MYOT: variants seen among roughly 807,000 people sequenced by gnomAD.
MYOT encodes 57 kDa cytoskeletal protein.
A neutral mutation model predicts 58.0 loss-of-function variants in MYOT; 36 were observed. The observed-to-expected ratio is 0.62, with a 90% CI of 0.48 to 0.82. MYOT has a LOEUF of 0.82. Ranked by LOEUF, MYOT falls within the 40% of genes least tolerant of loss-of-function variation. The pLI, the probability that MYOT is intolerant of heterozygous loss-of-function variation, is 0.00. For synonymous variants in MYOT, 218 were observed against 204.6 expected (o/e 1.07, Z -0.56); for missense variants, 505 against 592.1 (o/e 0.85, Z 1.53).
intron 2 of MYOT, among the ~76,000 whole-genome samples, chr5:137,874,808 T>C (rs1160954503): frequency 6.6e-6 from 1 of 152,248 alleles, no homozygotes; most frequent in Non-Finnish European, 1.5e-5. Context: ...TTAGAAGTTA[T>C]TTGCTGTTAT....
At chr5:137,883,345 C>CT in intron 6 of MYOT, 39 bp from the exon 7 acceptor site, 2 of 1,538,858 alleles carry the variant, frequency 1.3e-6, no homozygotes, top group East Asian at 4.5e-5. Flanking sequence ...TGATGCAATA[C>CT]TTTAAAATTC....
intron 1 of MYOT, among the ~76,000 whole-genome samples, chr5:137,868,563 A>G (rs567898716): frequency 2.6e-5 from 4 of 152,320 alleles, no homozygotes; most frequent in African/African-American, 9.6e-5. Flanking sequence ...AATATCACTA[A>G]TTATTAACAA....
chr5:137,886,160 G>A lies in MYOT; in HGVS notation c.1137G>A (p.Lys379=), dbSNP rs1755595002. 1.9e-6 allele frequency: 3 copies of A among 1,612,500 alleles called. No homozygotes were observed. The highest frequency in any genetic ancestry group is 2.5e-6 in the Non-Finnish European group (3 of 1,178,886). ...AGATCTCGGCTATACCTCCACCAAA[G>A]CTTTTCTGGAAAAGAAATAATGAAA... The part of the protein sequence containing the change: ...ECQISAIPPP[K]LFWKRNNEMV... Residue 379 remains lysine, a synonymous_variant, in exon 8 of 10, where the codon AAG becomes AAA. Transcript: ENST00000239926.
Position 137,883,463 on chromosome 5 carries a change from T to TAA in MYOT, c.897_898insAA (p.Val300LysfsTer14). The TAA allele has an allele frequency of 6.2e-7, 1 of 1,614,124 alleles. No homozygotes were observed. The highest frequency in any genetic ancestry group is 8.5e-7 in the Non-Finnish European group (1 of 1,179,994). The stretch of plus-strand genomic sequence containing the variant: ...CAATCAGATGATTTGCACAAAATGA[T>TAA]AGTGTCTGAGAAGGGTCTTCATTCA... On this transcript the variant is annotated frameshift_variant, in exon 7 of 10. Transcript: ENST00000239926. LOFTEE classifies it high-confidence loss of function.
intron 5 of MYOT, 142 bp downstream of exon 5, chr5:137,881,007 T>A (rs757882238): frequency 1.6e-6 from 1 of 641,554 alleles, no homozygotes; most frequent in Non-Finnish European, 2.7e-6. Context: ...TCTGAGAAGA[T>A]GACCAAAATT....
At position 137,886,155 on chromosome 5, in the gene MYOT, C is replaced by G. The variant is rs1489391510; in HGVS notation, c.1132C>G (p.Pro378Ala). 8 of 1,612,306 alleles carry G rather than the reference C, an allele frequency of 5.0e-6. No individual in the cohort carries two copies. In the African/African-American group the frequency reaches 9.4e-5, roughly 19 times the overall value. Residue 378 changes from proline (P) to alanine (A), a missense_variant, in exon 8 of 10, where the codon CCA (proline) becomes GCA (alanine). Transcript: ENST00000239926. ...LECQISAIPP[P>A]KLFWKRNNEM... ...ATGCCAGATCTCGGCTATACCTCCA[C>G]CAAAGCTTTTCTGGAAAAGAAATAA...
chr5:137,877,485 T>C, intron 3 of MYOT, 35 bp from the exon 4 acceptor site: 1 of 1,447,226 alleles, frequency 6.9e-7, no homozygotes, highest in Non-Finnish European at 9.7e-7. Context: ...CATCTTTTAT[T>C]AAATCTAATT....
At chr5:137,876,234 A>G (rs1755216452) in intron 3 of MYOT, 1 of 516,366 alleles carries the variant, frequency 1.9e-6, no homozygotes, top group African/African-American at 1.9e-5. Flanking sequence ...GTTTAATGAA[A>G]TTTTTCTGTT....
rs556148425 is a variant in MYOT at position 137,883,586 on chromosome 5, T to C, written c.1019T>C (p.Val340Ala). ...GCCACCTTCACTGTGCAGCTGGATGTCCTTGGTAAGCCTCCAAAGAGACCC... is the reference window on the plus strand; with the variant it reads ...GCCACCTTCACTGTGCAGCTGGATGCCCTTGGTAAGCCTCCAAAGAGACCC... ...GEATFTVQLD[V>A]LAKEHKRAPM... Residue 340 changes from valine (V) to alanine (A), a missense_variant, in exon 7 of 10, where the codon GTC (valine) becomes GCC (alanine). Val to Ala is a moderately conservative substitution (Grantham distance 64, BLOSUM62 0). Transcript: ENST00000239926. The C allele has an allele frequency of 1.9e-6, 3 of 1,614,000 alleles. No homozygotes were observed. The African/African-American group carries it at 4.0e-5, about 22-fold the overall frequency.
intron 1 of MYOT, among the ~76,000 whole-genome samples, chr5:137,868,209 C>T (rs1323222338): frequency 6.6e-6 from 1 of 152,270 alleles, no homozygotes; most frequent in Non-Finnish European, 1.5e-5. Flanking sequence ...AAAAGGGACA[C>T]TTGATCTGAT....
chr5:137,875,259 G>A (rs998420003), intron 2 of MYOT, among the ~76,000 whole-genome samples: 4 of 152,118 alleles, frequency 2.6e-5, no homozygotes, highest in Non-Finnish European at 4.4e-5. Flanking sequence ...ATAAAATAGA[G>A]CATGTTCTCA....
chr5:137,883,101 A>T (rs560318200), intron 6 of MYOT: 2 of 379,934 alleles, frequency 5.3e-6, no homozygotes, highest in Non-Finnish European at 4.9e-6. Flanking sequence ...CCAATGTAAC[A>T]TAAATTAATG....
chr5:137,883,677 G>C, intron 7 of MYOT, 86 bp downstream of exon 7: 1 of 1,252,578 alleles, frequency 8.0e-7, no homozygotes, highest in Non-Finnish European at 1.1e-6. Flanking sequence ...AAGCCCAGCA[G>C]ACTTCATATT....
intron 3 of MYOT, chr5:137,876,311 C>A (rs956634693): frequency 2.7e-6 from 1 of 373,514 alleles, no homozygotes; most frequent in Non-Finnish European, 5.0e-6. Context: ...ACTGTCAAGT[C>A]AACTTAGTGT....
In MYOT at chr5:137,883,575, G is replaced by T. The variant is rs142828368; in HGVS notation, c.1008G>T (p.Val336=). 3.7e-3 allele frequency: 5,957 copies of T among 1,614,032 alleles called. 21 individuals carry two copies. Among genetic ancestry groups the T allele is most frequent in the Non-Finnish European group, 3.7e-3 (4,389 of 1,179,940 alleles). ...GAGCAGGAGAAGCCACCTTCACTGT[G>T]CAGCTGGATGTCCTTGGTAAGCCTC... The part of the protein sequence containing the change: ...KNRAGEATFT[V]QLDVLAKEHK... Residue 336 remains valine, a synonymous_variant, in exon 7 of 10, where the codon GTG becomes GTT. Coordinates refer to ENST00000239926, the MANE Select transcript of MYOT (RefSeq NM_006790.3).
rs751221122 is a variant in MYOT at position 137,883,576 on chromosome 5, C to T, written c.1009C>T (p.Gln337Ter). The change falls in exon 7 of 10, where the codon CAG (glutamine) becomes TAG (stop). Residue 337 changes from glutamine (Q) to a stop codon, truncating the protein, a stop_gained. Coordinates refer to ENST00000239926, the MANE Select transcript of MYOT (RefSeq NM_006790.3). LOFTEE classifies it high-confidence loss of function. ...AGCAGGAGAAGCCACCTTCACTGTG[C>T]AGCTGGATGTCCTTGGTAAGCCTCC... ...NRAGEATFTV[Q>*]LDVLAKEHKR... 6.2e-7 allele frequency: 1 copy of T among 1,614,032 alleles called. No homozygotes were observed. Among genetic ancestry groups the T allele is most frequent in the Non-Finnish European group, 8.5e-7 (1 of 1,179,938 alleles).
intron 4 of MYOT, among the ~76,000 whole-genome samples, chr5:137,878,595 T>C (rs1449055647): frequency 2.0e-5 from 3 of 151,722 alleles, no homozygotes; most frequent in Admixed American, 2.0e-4. Flanking sequence ...GAGGCCGAGG[T>C]GGGTGGATCA....
intron 2 of MYOT, among the ~76,000 whole-genome samples, chr5:137,875,183 T>C (rs1483380575): frequency 6.6e-6 from 1 of 152,132 alleles, no homozygotes; most frequent in Non-Finnish European, 1.5e-5. Context: ...CAAAATTACG[T>C]CCTTTGCAGC....
intron 1 of MYOT, among the ~76,000 whole-genome samples, chr5:137,869,162 A>G (rs1754961460): frequency 6.6e-6 from 1 of 152,220 alleles, no homozygotes; most frequent in Non-Finnish European, 1.5e-5. Context: ...TAAAATAATT[A>G]GAAGACTTCG....
Sources: gnomAD v4.1 joint callset for allele counts (sites outside exome capture counted in the v4.1 genomes callset) on GRCh38, gnomAD v4.1.1 for gene constraint, MANE v1.5 for transcripts, NCBI Gene and HGNC (gene_info 2026-07-23, HGNC 2026-07-21) for gene names.